MARCHF1: variants seen among roughly 807,000 people sequenced by gnomAD.
The protein encoded by MARCHF1 is E3 ubiquitin-protein ligase MARCHF1.
In MARCHF1, 40 loss-of-function variants were observed where a neutral mutation model predicts 54.2. The ratio of observed to expected loss-of-function variants is 0.74; its 90% CI spans 0.57 to 0.96. The LOEUF is 0.96. Among genes scored for constraint, MARCHF1 ranks in the 40% least tolerant of loss-of-function variants. MARCHF1 has a pLI of 0.00. For synonymous variants in MARCHF1, 236 were observed against 236.3 expected, an observed-to-expected ratio of 1.00 and a Z score of 0.01; for missense variants, 586 against 656.5, an observed-to-expected ratio of 0.89 and a Z score of 1.17.
chr4:163,967,384 G>A (rs932818547), intron 3 of MARCHF1, among the ~76,000 whole-genome samples: 9 of 152,134 alleles, frequency 5.9e-5, no homozygotes, highest in African/African-American at 9.7e-5. Context: ...GCTGCTGCAC[G>A]TCTCGTGGTC....
intron 4 of MARCHF1, among the ~76,000 whole-genome samples, chr4:163,812,430 A>G (rs1748417826): frequency 6.6e-6 from 1 of 152,098 alleles, no homozygotes. Context: ...AGGCTTACAT[A>G]TATTCGGTAT....
intron 3 of MARCHF1, among the ~76,000 whole-genome samples, chr4:163,950,691 G>C (rs1752118130): frequency 6.6e-6 from 1 of 152,212 alleles, no homozygotes; most frequent in African/African-American, 2.4e-5. Flanking sequence ...GGCTGCTCCA[G>C]ATAGGCTACT....
chr4:164,349,625 CA>C, intron 1 of MARCHF1, among the ~76,000 whole-genome samples: 1 of 152,116 alleles, frequency 6.6e-6, no homozygotes, highest in Non-Finnish European at 1.5e-5. Flanking sequence ...TAAAAGTTTT[CA>C]TAAGACTTCA....
chr4:164,057,452 T>A (rs1282672286), intron 2 of MARCHF1, among the ~76,000 whole-genome samples: 1 of 152,220 alleles, frequency 6.6e-6, no homozygotes, highest in Non-Finnish European at 1.5e-5. Flanking sequence ...ATAATCTCCT[T>A]CATGTCTGGA....
intron 1 of MARCHF1, among the ~76,000 whole-genome samples, chr4:164,369,727 T>C (rs1347526938): frequency 6.6e-6 from 1 of 152,170 alleles, no homozygotes; most frequent in Non-Finnish European, 1.5e-5. Flanking sequence ...ACCATAAGAT[T>C]GATTTGAAGA....
chr4:163,834,844 G>A (rs893369808), intron 4 of MARCHF1, among the ~76,000 whole-genome samples: 1 of 152,002 alleles, frequency 6.6e-6, no homozygotes, highest in Admixed American at 6.6e-5. Context: ...GTTGACCTAT[G>A]TTATTATTAG....
intron 5 of MARCHF1, among the ~76,000 whole-genome samples, chr4:163,663,058 T>C (rs1475212550): frequency 1.3e-5 from 2 of 152,042 alleles, no homozygotes; most frequent in Non-Finnish European, 2.9e-5. Flanking sequence ...AACTGGAGTG[T>C]AATATAAGTC....
intron 3 of MARCHF1, among the ~76,000 whole-genome samples, chr4:163,885,932 A>AAG (rs1560803283): frequency 6.8e-6 from 1 of 148,004 alleles, no homozygotes; most frequent in Admixed American, 6.8e-5. Context: ...CTAGCTATCT[A>AAG]ATATATATAT....
At chr4:164,064,665 C>T (rs1754689843) in intron 2 of MARCHF1, among the ~76,000 whole-genome samples, 1 of 152,114 alleles carries the variant, frequency 6.6e-6, no homozygotes, top group Non-Finnish European at 1.5e-5. Flanking sequence ...ATCGCCCTGG[C>T]CAGAACTTCC....
At chr4:164,235,031 G>A (rs1020951380) in intron 1 of MARCHF1, 12 of 152,040 alleles carry the variant, frequency 7.9e-5, no homozygotes, top group South Asian at 2.1e-4. Context: ...CTACAATTTA[G>A]TTCCAATTTC....
intron 1 of MARCHF1, among the ~76,000 whole-genome samples, chr4:164,114,602 ATTATG>A (rs1179700010): frequency 3.3e-5 from 5 of 151,622 alleles, no homozygotes; most frequent in African/African-American, 4.8e-5. Flanking sequence ...ATTATATTAT[ATTATG>A]TTATATTTTG....
intron 2 of MARCHF1, among the ~76,000 whole-genome samples, chr4:164,078,992 C>A (rs565908743): frequency 3.9e-5 from 6 of 152,208 alleles, no homozygotes; most frequent in Admixed American, 3.9e-4. Flanking sequence ...TCTTAACAAT[C>A]ACGGATGGTA....
rs1750764817 is a variant in MARCHF1, at chr4:163,894,908, T to TATATATATATGCATGTGATGC, written c.-38-40740_-38-40739insGCATCACATGCATATATATAT. ...TGCATATATATATGCATGTGATGCATATATATATATATGCATGTGATGCAT... is the reference window on the plus strand; with the variant it reads ...TGCATATATATATGCATGTGATGCATATATATATATGCATGTGATGCATATATATATATGCATGTGATGCAT... On this transcript the variant is annotated intron_variant, in intron 3 of 9. Transcript: ENST00000514618. 4.9e-3 allele frequency among the ~76,000 whole-genome samples: 5 copies of TATATATATATGCATGTGATGC among 1,024 alleles called. 2 individuals are homozygous for TATATATATATGCATGTGATGC. The highest frequency in any genetic ancestry group is 0.017 in the African/African-American group (5 of 296). 0.7% of individuals were successfully genotyped at this position (1,024 alleles called of 152,430 possible).
intron 8 of MARCHF1, among the ~76,000 whole-genome samples, chr4:163,577,546 T>G (rs1250465163): frequency 1.3e-5 from 2 of 152,028 alleles, no homozygotes. Flanking sequence ...GACAGTCTGG[T>G]CACTACATGC....
intron 2 of MARCHF1, among the ~76,000 whole-genome samples, chr4:163,992,820 T>A (rs890694059): frequency 6.7e-6 from 1 of 150,192 alleles, no homozygotes; most frequent in African/African-American, 2.4e-5. Flanking sequence ...TATAAATGCA[T>A]TGATACAAGA....
intron 3 of MARCHF1, among the ~76,000 whole-genome samples, chr4:163,918,443 G>A (rs896161290): frequency 1.3e-5 from 2 of 152,038 alleles, no homozygotes; most frequent in Non-Finnish European, 2.9e-5. Flanking sequence ...ATATATGGAG[G>A]CATTTCCATT....
chr4:164,085,818 A>T (rs1282435521), intron 2 of MARCHF1, among the ~76,000 whole-genome samples: 1 of 151,832 alleles, frequency 6.6e-6, no homozygotes, highest in Non-Finnish European at 1.5e-5. Context: ...AAAATAATTT[A>T]TATTATGACT....
chr4:164,028,189 G>A (rs888514487), intron 2 of MARCHF1, among the ~76,000 whole-genome samples: 1 of 152,140 alleles, frequency 6.6e-6, no homozygotes. Flanking sequence ...TTAAAACAGA[G>A]CTACAATTTG....
rs1746091801 is a variant in MARCHF1 at position 163,737,862 on chromosome 4, G to A, written c.112-36999C>T. Among the ~76,000 whole-genome samples, 2 of 118,124 alleles carry A rather than the reference G, an allele frequency of 1.7e-5. 1 individual carries two copies. 77.5% of individuals were successfully genotyped at this position (118,124 alleles called of 152,430 possible). ...GGAAGTCAGTGTGGCGATTCCTCAG[G>A]GATCTAGAACTAGAAATACCATTTG... On this transcript the variant is annotated intron_variant, in intron 4 of 9. Coordinates refer to ENST00000514618, the MANE Select transcript of MARCHF1 (RefSeq NM_001394959.1).
Sources: gnomAD v4.1 joint callset for allele counts (sites outside exome capture counted in the v4.1 genomes callset) on GRCh38, gnomAD v4.1.1 for gene constraint, MANE v1.5 for transcripts, NCBI Gene and HGNC (gene_info 2026-07-23, HGNC 2026-07-21) for gene names.